WDFY2: variants seen among roughly 807,000 people sequenced by gnomAD.
The protein encoded by WDFY2 is WD repeat and FYVE domain-containing protein 2.
In WDFY2, 36 loss-of-function variants were observed where a neutral mutation model predicts 56.4. The observed-to-expected ratio is 0.64, with a 90% confidence interval of 0.49 to 0.84. The LOEUF (loss-of-function observed/expected upper bound fraction) is 0.84. Among genes scored for constraint, WDFY2 ranks in the 40% least tolerant of loss-of-function variants. The pLI, the probability that WDFY2 is intolerant of heterozygous loss-of-function variation, is 0.00. For synonymous variants in WDFY2, 176 were observed against 183.7 expected, an observed-to-expected ratio of 0.96 and a Z score of 0.34; for missense variants, 444 against 512.2, an observed-to-expected ratio of 0.87 and a Z score of 1.29.
intron 7 of WDFY2, among the ~76,000 whole-genome samples, chr13:51,747,937 A>G (rs1953141169): frequency 6.6e-6 from 1 of 152,214 alleles, no homozygotes; most frequent in African/African-American, 2.4e-5. Flanking sequence ...TTTTTTCAAA[A>G]CAGAGGTTCA....
In WDFY2 at chr13:51,765,973, T is replaced by C. The variant is rs898342686; in HGVS notation, c.*6204T>C. 6.6e-6 allele frequency: 1 copy of C among 152,152 alleles called. No individual in the cohort carries two copies. The highest frequency in any genetic ancestry group is 1.5e-5 in the Non-Finnish European group (1 of 68,018). 9.4% of individuals were successfully genotyped at this position (152,152 alleles called of 1,614,324 possible). A position where few individuals can be genotyped will look rare whatever the true frequency, so the allele number is the denominator to read the frequency against. Reference sequence around the variant, plus strand: ...TGACCTTGTTACTTATGATTCTTTTTTCCCTTGGTTCTCGGGGATGCATGA... The same window carrying C: ...TGACCTTGTTACTTATGATTCTTTTCTCCCTTGGTTCTCGGGGATGCATGA... On this transcript the variant is annotated 3_prime_UTR_variant, in exon 12 of 12. Transcript: ENST00000298125.
chr13:51,605,982 C>T (rs1954378869), intron 1 of WDFY2, among the ~76,000 whole-genome samples: 1 of 152,318 alleles, frequency 6.6e-6, no homozygotes, highest in South Asian at 2.1e-4. Flanking sequence ...TCTCTACTCA[C>T]TTTAAATAAA....
chr13:51,691,217 A>G (rs1353546427), intron 3 of WDFY2, among the ~76,000 whole-genome samples: 1 of 152,100 alleles, frequency 6.6e-6, no homozygotes, highest in African/African-American at 2.4e-5. Context: ...CCCGTTTGTC[A>G]ATTTTGTCTT....
chr13:51,660,755 T>C, intron 2 of WDFY2, 92 bp downstream of exon 2: 1 of 1,102,408 alleles, frequency 9.1e-7, no homozygotes, highest in South Asian at 1.3e-5. Context: ...AAGACTGAGG[T>C]TGGGATTCTC....
intron 1 of WDFY2, chr13:51,591,727 T>A (rs565875219): frequency 7.2e-5 from 11 of 152,320 alleles, no homozygotes; most frequent in African/African-American, 2.4e-4. Context: ...GTTTGAAATA[T>A]TACAGAGCTT....
intron 4 of WDFY2, among the ~76,000 whole-genome samples, chr13:51,707,686 T>C (rs1952113101): frequency 6.6e-6 from 1 of 152,130 alleles, no homozygotes; most frequent in Non-Finnish European, 1.5e-5. Flanking sequence ...AAGAACAGTA[T>C]TAAAAATGGG....
chr13:51,695,730 A>G (rs1480842012), intron 3 of WDFY2, among the ~76,000 whole-genome samples: 1 of 152,236 alleles, frequency 6.6e-6, no homozygotes. Flanking sequence ...AGACAGGGAC[A>G]TTTAAGTCTG....
intron 3 of WDFY2, among the ~76,000 whole-genome samples, chr13:51,693,334 C>A (rs1203093315): frequency 2.2e-4 from 33 of 151,700 alleles, no homozygotes; most frequent in Admixed American, 1.5e-3. Context: ...CTATAAATTT[C>A]CCTCTACACA....
intron 1 of WDFY2, chr13:51,589,520 A>C (rs1414521378): frequency 6.6e-6 from 1 of 152,180 alleles, no homozygotes; most frequent in Non-Finnish European, 1.5e-5. Context: ...AAATTACACT[A>C]TCCCAGTTCT....
chr13:51,710,402 A>G (rs1389762853), intron 4 of WDFY2, among the ~76,000 whole-genome samples: 2 of 151,832 alleles, frequency 1.3e-5, no homozygotes, highest in African/African-American at 4.8e-5. Flanking sequence ...CTCTCTCACC[A>G]CTCCTATTCA....
intron 2 of WDFY2, among the ~76,000 whole-genome samples, chr13:51,664,470 GA>G (rs1405800169): frequency 6.6e-6 from 1 of 152,328 alleles, no homozygotes; most frequent in East Asian, 1.9e-4. Context: ...CTGATCTGCA[GA>G]AAAGGTAGGG....
At chr13:51,749,876 T>C (rs1201691105) in intron 7 of WDFY2, among the ~76,000 whole-genome samples, 1 of 152,172 alleles carries the variant, frequency 6.6e-6, no homozygotes, top group Non-Finnish European at 1.5e-5. Flanking sequence ...GCTATTCATA[T>C]AAAAAGTTTG....
chr13:51,670,493 A>G lies in WDFY2; in HGVS notation c.206-4677A>G, dbSNP rs1376201539. On this transcript the variant is annotated intron_variant, in intron 2 of 11. Coordinates refer to ENST00000298125, the MANE Select transcript of WDFY2 (RefSeq NM_052950.4). The stretch of plus-strand genomic sequence containing the variant: ...TCTCACCTACTGTGCGCACATGCAC[A>G]CACACACACACACACACACACACAC... Among the ~76,000 whole-genome samples, 273 of 58,756 alleles carry G rather than the reference A, an allele frequency of 4.6e-3. 1 individual carries two copies. The highest frequency in any genetic ancestry group is 0.014 in the African/African-American group (250 of 17,902). 38.5% of individuals were successfully genotyped at this position (58,756 alleles called of 152,430 possible).
At chr13:51,608,370 G>C (rs1176852872) in intron 1 of WDFY2, among the ~76,000 whole-genome samples, 1 of 152,272 alleles carries the variant, frequency 6.6e-6, no homozygotes, top group East Asian at 1.9e-4. Flanking sequence ...ATTTTCATAT[G>C]CATTCATTTC....
intron 2 of WDFY2, among the ~76,000 whole-genome samples, chr13:51,662,366 G>A (rs1269079010): frequency 9.2e-5 from 14 of 152,280 alleles, no homozygotes; most frequent in Non-Finnish European, 1.5e-5. Flanking sequence ...AGGGAGGGCT[G>A]TAATCCAGCA....
chr13:51,650,563 CTCT>C (rs1955357874), intron 1 of WDFY2, among the ~76,000 whole-genome samples: 2 of 151,714 alleles, frequency 1.3e-5, no homozygotes, highest in South Asian at 4.2e-4. Flanking sequence ...TCATAAATAG[CTCT>C]TATTATTTTG....
Position 51,763,380 on chromosome 13 carries a change from A to G in WDFY2, c.*3611A>G, listed in dbSNP as rs903133634. 2.0e-5 allele frequency: 3 copies of G among 152,218 alleles called. No individual in the cohort carries two copies. The highest frequency in any genetic ancestry group is 7.2e-5 in the African/African-American group (3 of 41,454). 9.4% of individuals were successfully genotyped at this position (152,218 alleles called of 1,614,324 possible). On this transcript the variant is annotated 3_prime_UTR_variant, in exon 12 of 12. Transcript: ENST00000298125. ...CTATACATTCCCCTCAGACCACCCC[A>G]GAGGCAAAACTGAAATGGAAATCCA... is the stretch of plus-strand genomic sequence containing the variant.
chr13:51,656,053 C>CTT (rs545474478), intron 1 of WDFY2, among the ~76,000 whole-genome samples: 12 of 133,530 alleles, frequency 9.0e-5, no homozygotes, highest in South Asian at 4.8e-4. Context: ...CTATCTTTCC[C>CTT]TTTTTTTTTT....
chr13:51,612,646 T>G (rs1441832860), intron 1 of WDFY2, among the ~76,000 whole-genome samples: 1 of 152,200 alleles, frequency 6.6e-6, no homozygotes, highest in Non-Finnish European at 1.5e-5. Context: ...AACCAATGCT[T>G]TGGACTAGTT....
Sources: gnomAD v4.1 joint callset for allele counts (sites outside exome capture counted in the v4.1 genomes callset) on GRCh38, gnomAD v4.1.1 for gene constraint, MANE v1.5 for transcripts, NCBI Gene and HGNC (gene_info 2026-07-23, HGNC 2026-07-21) for gene names.